OBSL1: variants seen among roughly 807,000 people sequenced by gnomAD.
OBSL1 encodes the protein obscurin-like protein 1.
OBSL1 carries 160 observed loss-of-function variants against 172.0 expected under a neutral mutation model. The observed-to-expected ratio is 0.93, with a 90% CI of 0.82 to 1.06. The LOEUF is 1.06. Ranked by LOEUF, OBSL1 falls within the 50% of genes least tolerant of loss-of-function variation. OBSL1 has a pLI of 0.00. For synonymous variants in OBSL1, 1,200 were observed against 1,196.3 expected, an observed-to-expected ratio of 1.00 and a Z score of -0.06; for missense variants, 2,681 against 2,715.4, an observed-to-expected ratio of 0.99 and a Z score of 0.28.
At chr2:219,555,804 T>C (rs1695953862) in intron 14 of OBSL1, 2 of 1,397,802 alleles carry the variant, frequency 1.4e-6, no homozygotes, top group South Asian at 3.6e-5. Context: ...CTTGGAAATA[T>C]GCAATGGAAT....
chr2:219,554,259 C>T, intron 15 of OBSL1: 1 of 613,762 alleles, frequency 1.6e-6, no homozygotes, highest in Non-Finnish European at 2.8e-6. Flanking sequence ...GTTGGCTGAG[C>T]CTTGGGCAGT....
rs370802978 is a variant in OBSL1 at position 219,565,239 on chromosome 2, G to A, written c.2407+3C>T. 4 of 1,605,646 alleles carry A rather than the reference G, an allele frequency of 2.5e-6. No homozygotes were observed. On this transcript the variant is annotated splice_donor_region_variant and intron_variant, in intron 6 of 20. Coordinates refer to ENST00000404537, the MANE Select transcript of OBSL1 (RefSeq NM_015311.3). The stretch of plus-strand genomic sequence containing the variant: ...AGGAGCCCAGGCTGGCATGCTTCCT[G>A]ACCTTGGACAGTGACGCCGAAGAAG...
At position 219,568,764 on chromosome 2, in the gene OBSL1, A is replaced by G. The variant is rs1460478139; in HGVS notation, c.1013-440T>C. On this transcript the variant is annotated intron_variant, in intron 1 of 20. Coordinates refer to ENST00000404537, the MANE Select transcript of OBSL1 (RefSeq NM_015311.3). The surrounding 1 kb of genome is among the most constrained non-coding windows in gnomAD (Gnocchi z 4.1). ...AATATTTTAACTCTTTTTTTTTTTG[A>G]GATGGAGTCTCGCTCTGTTGCCCAG... 1.3e-5 allele frequency among the ~76,000 whole-genome samples: 2 copies of G among 148,690 alleles called. No individual in the cohort carries two copies. Among genetic ancestry groups the G allele is most frequent in the African/African-American group, 5.0e-5 (2 of 40,348 alleles).
intron 9 of OBSL1, 185 bp downstream of exon 9, chr2:219,559,040 G>A: frequency 1.7e-6 from 1 of 580,452 alleles, no homozygotes; most frequent in South Asian, 2.4e-5. Context: ...TCTAATTGCT[G>A]GGCACCCTCC....
intron 6 of OBSL1, 66 bp downstream of exon 6, chr2:219,565,176 G>A: frequency 1.3e-6 from 2 of 1,500,924 alleles, no homozygotes; most frequent in South Asian, 1.3e-5. Context: ...CAGACCAGAG[G>A]GCATGGCTTA....
At chr2:219,554,422 G>T (rs1695851019) in intron 15 of OBSL1, 52 bp downstream of exon 15, 1 of 1,594,068 alleles carries the variant, frequency 6.3e-7, no homozygotes. Context: ...CATGCCTGGG[G>T]TAAGTAGGGC....
Position 219,570,988 on chromosome 2 carries a change from T to C in OBSL1, c.245A>G (p.Tyr82Cys). Residue 82 changes from tyrosine (Y) to cysteine (C), a missense_variant, in exon 1 of 21, where the codon TAC (tyrosine) becomes TGC (cysteine). Around this residue, in one of 5 missense-constraint regions of OBSL1, gnomAD observed 67 missense variants for 109.3 expected, o/e 0.61. Transcript: ENST00000404537. ...TAALPTDAGV[Y>C]VCRARNAAGE... ...GGCCGCGTTGCGGGCGCGGCACACG[T>C]AGACCCCCGCGTCGGTGGGCAGTGC... 2.2e-6 allele frequency: 3 copies of C among 1,370,992 alleles called. No homozygotes were observed. In the South Asian group the frequency reaches 5.1e-5, roughly 23 times the overall value. 84.9% of individuals were successfully genotyped at this position (1,370,992 alleles called of 1,614,324 possible).
rs115878230 is a variant in OBSL1, at chr2:219,566,622, T to A, written c.2134+208A>T. Among the ~76,000 whole-genome samples, 1,333 of 152,292 alleles carry A rather than the reference T, an allele frequency of 8.8e-3. 25 individuals carry two copies. The highest frequency in any genetic ancestry group is 0.03 in the African/African-American group (1,252 of 41,548). ...AGAATTGGGATATGATGCTGACATATATCAAGATAACAAGGGGTGCCCTGG... is the reference window on the plus strand; with the variant it reads ...AGAATTGGGATATGATGCTGACATAAATCAAGATAACAAGGGGTGCCCTGG... On this transcript the variant is annotated intron_variant, in intron 5 of 20. Coordinates refer to ENST00000404537, the MANE Select transcript of OBSL1 (RefSeq NM_015311.3).
Position 219,566,852 on chromosome 2 carries a change from G to C in OBSL1, c.2112C>G (p.Asp704Glu), listed in dbSNP as rs1256614648. 1 of 1,593,528 alleles carries C rather than the reference G, an allele frequency of 6.3e-7. No individual in the cohort carries two copies. Among genetic ancestry groups the C allele is most frequent in the East Asian group, 2.3e-5 (1 of 44,404 alleles). ...LVGFSCPGVQ[D>E]SAALTIQESP... ...AACCTTGGATTGTGAGGGCAGCTGA[G>C]TCCTGCACGCCGGGGCAGCTGAAGC... is the stretch of plus-strand genomic sequence containing the variant. The change falls in exon 5 of 21, where the codon GAC becomes GAG. Residue 704 changes from aspartate to glutamate, a missense_variant. Asp to Glu is a conservative substitution (Grantham distance 45). Transcript: ENST00000404537.
In OBSL1 at chr2:219,571,155, G is replaced by T. The variant is rs1184725170; in HGVS notation, c.78C>A (p.Gly26=). The T allele has an allele frequency of 6.7e-7, 1 of 1,488,018 alleles. No individual in the cohort carries two copies. The highest frequency in any genetic ancestry group is 8.9e-7 in the Non-Finnish European group (1 of 1,123,342). 92.2% of individuals were successfully genotyped at this position (1,488,018 alleles called of 1,614,324 possible). A position where few individuals can be genotyped will look rare whatever the true frequency, so the allele number is the denominator to read the frequency against. Residue 26 remains glycine, a synonymous_variant, in exon 1 of 21, where the codon GGC becomes GGA. Transcript: ENST00000404537. ...CCACGCACTTGAGCTCGGCCTCGGC[G>T]CCACTTACCACCCGCACAGGCCGCG... ...RFPRPVRVVS[G]AEAELKCVVL... is the part of the protein sequence containing the mutation.
chr2:219,570,148 C>G (rs1351760114), intron 1 of OBSL1, 73 bp downstream of exon 1: 5 of 1,339,430 alleles, frequency 3.7e-6, no homozygotes, highest in African/African-American at 3.0e-5. Context: ...CGCTGGGCAC[C>G]GAGGAGGGCT....
In OBSL1 at chr2:219,565,525, A is replaced by C; in HGVS notation, c.2135-11T>G. On this transcript the variant is annotated splice_polypyrimidine_tract_variant and intron_variant, in intron 5 of 20. Coordinates refer to ENST00000404537, the MANE Select transcript of OBSL1 (RefSeq NM_015311.3). ...TGTGCACCGGGCTCTCTGTGTGGGG[A>C]GAAGTACAGATAAGCACCCCTCCCT... The C allele has an allele frequency of 6.2e-7, 1 of 1,602,894 alleles. No homozygotes were observed. The highest frequency in any genetic ancestry group is 8.5e-7 in the Non-Finnish European group (1 of 1,178,658).
At chr2:219,566,696 C>A in intron 5 of OBSL1, 134 bp downstream of exon 5, 2 of 1,014,102 alleles carry the variant, frequency 2.0e-6, no homozygotes, top group Non-Finnish European at 2.8e-6. Flanking sequence ...GAGCCCTCAA[C>A]CTCAGCCCAT....
At chr2:219,570,181 A>T (rs781280038) in intron 1 of OBSL1, 40 bp downstream of exon 1, 2 of 1,463,894 alleles carry the variant, frequency 1.4e-6, no homozygotes, top group Non-Finnish European at 1.8e-6. Context: ...GCCTCGGAGG[A>T]CACTCGAGGC....
intron 20 of OBSL1, chr2:219,551,247 A>G: frequency 7.2e-7 from 1 of 1,396,966 alleles, no homozygotes; most frequent in Admixed American, 3.0e-5. Context: ...GCTGTTCAAG[A>G]GAGACAAACA....
chr2:219,547,810 C>A, downstream of OBSL1: 1 of 1,592,096 alleles, frequency 6.3e-7, no homozygotes, highest in East Asian at 2.2e-5. Context: ...TGGGGGGCGG[C>A]CTGCTCTGTG....
In OBSL1 at chr2:219,557,357, A is replaced by G. The variant is rs1334320750; in HGVS notation, c.4052T>C (p.Leu1351Pro). ...TACACTGTTACCTTCCACGCTGACAAGGAAGATGCGGCTGTCCTGGGGCGC... is the reference window on the plus strand; with the variant it reads ...TACACTGTTACCTTCCACGCTGACAGGGAAGATGCGGCTGTCCTGGGGCGC... ...CDAPQDSRIF[L>P]VSVEEPLLVK... is the part of the protein sequence containing the mutation. Residue 1351 changes from leucine to proline, a missense_variant, in exon 12 of 21, where the codon CTT (leucine) becomes CCT (proline). Coordinates refer to ENST00000404537, the MANE Select transcript of OBSL1 (RefSeq NM_015311.3). The G allele has an allele frequency of 2.0e-6, 3 of 1,505,378 alleles. No individual in the cohort carries two copies. In the South Asian group the frequency reaches 3.9e-5, roughly 20 times the overall value. The allele number at this position is 1,505,378 out of a possible 1,614,324, so 93.3% of individuals were successfully genotyped here. A position where few individuals can be genotyped will look rare whatever the true frequency, so the allele number is the denominator to read the frequency against.
downstream of OBSL1, chr2:219,549,389 AGGAAGTGT>A: frequency 6.3e-7 from 1 of 1,591,578 alleles, no homozygotes; most frequent in Non-Finnish European, 8.6e-7. Flanking sequence ...CAGAATGAGA[AGGAAGTGT>A]GGAAACTCTT....
At position 219,562,403 on chromosome 2, in the gene OBSL1, T is replaced by C. The variant is rs1358610335; in HGVS notation, c.2952A>G (p.Thr984=). 1 of 1,613,168 alleles carries C rather than the reference T, an allele frequency of 6.2e-7. No homozygotes were observed. Among genetic ancestry groups the C allele is most frequent in the Non-Finnish European group, 8.5e-7 (1 of 1,179,446 alleles). The change falls in exon 8 of 21, where the codon ACA becomes ACG. Residue 984 remains threonine (T), a splice_region_variant and synonymous_variant. Transcript: ENST00000404537. ...DESASFTVTV[T]EPPVRIIYPR... The stretch of plus-strand genomic sequence containing the variant: ...CGGGGAGCTGGGCTGGGCCCACACC[T>C]GTGACGGTGACAGTGAAGGAGGCCG...
Sources: allele counts gnomAD v4.1 joint callset (sites outside exome capture counted in the v4.1 genomes callset), GRCh38; gene constraint gnomAD v4.1.1; regional missense constraint gnomAD v4.1.1; non-coding constraint Gnocchi (gnomAD v3.1); transcripts MANE v1.5; gene names NCBI Gene and HGNC (gene_info 2026-07-23, HGNC 2026-07-21).